Variants in CENPE observed in about 807,000 individuals in gnomAD.
CENPE encodes centromere protein E, also known as centromere-associated protein E.
CENPE carries 145 observed loss-of-function variants against 336.1 expected under a neutral mutation model. That is an observed-to-expected ratio of 0.43 (90% confidence interval 0.38 to 0.50). The LOEUF is 0.50. Among genes scored for constraint, CENPE ranks in the 20% least tolerant of loss-of-function variants. The pLI is 0.00. For missense variants in CENPE, 2,719 were observed against 3,023.3 expected (o/e 0.90, Z 2.36); for synonymous variants, 1,013 against 984.8 (o/e 1.03, Z -0.54).
intron 44 of CENPE, among the ~76,000 whole-genome samples, chr4:103,117,519 C>T (rs1384568565): frequency 6.6e-6 from 1 of 150,468 alleles, no homozygotes; most frequent in African/African-American, 2.5e-5. Flanking sequence ...GTAGTTTTGT[C>T]TTTCTAAAAA....
At chr4:103,183,762 C>T (rs369722347) in intron 9 of CENPE, among the ~76,000 whole-genome samples, 88 of 152,210 alleles carry the variant, frequency 5.8e-4, no homozygotes, top group African/African-American at 2.0e-3. Flanking sequence ...CAACCAGTTC[C>T]TATACCTCTA....
intron 8 of CENPE, among the ~76,000 whole-genome samples, chr4:103,193,752 C>T (rs745989555): frequency 7.2e-5 from 11 of 152,032 alleles, no homozygotes; most frequent in African/African-American, 1.9e-4. Context: ...TAAAGTACTA[C>T]GTTTACAATA....
intron 24 of CENPE, among the ~76,000 whole-genome samples, chr4:103,155,330 G>A (rs1190290081): frequency 6.6e-6 from 1 of 151,156 alleles, no homozygotes; most frequent in African/African-American, 2.4e-5. Flanking sequence ...TTTTTTTTTA[G>A]ACAGGGTCTC....
At chr4:103,125,030 C>A (rs184127286) in intron 42 of CENPE, among the ~76,000 whole-genome samples, 2 of 152,304 alleles carry the variant, frequency 1.3e-5, no homozygotes, top group East Asian at 1.9e-4. Flanking sequence ...ATGACCTTAT[C>A]CAAACATTGG....
At chr4:103,157,463 A>G (rs1217305778) in intron 24 of CENPE, among the ~76,000 whole-genome samples, 1 of 152,074 alleles carries the variant, frequency 6.6e-6, no homozygotes, top group Non-Finnish European at 1.5e-5. Flanking sequence ...CATTATGCAA[A>G]ATGAGACAGG....
Position 103,151,261 on chromosome 4 carries a change from G to C in CENPE, c.3354C>G (p.Thr1118=), listed in dbSNP as rs1031447084. The C allele has an allele frequency of 1.2e-6, 2 of 1,604,136 alleles. No individual in the cohort carries two copies. Among genetic ancestry groups the C allele is most frequent in the African/African-American group, 2.7e-5 (2 of 74,144 alleles). Residue 1118 remains threonine, a synonymous_variant, in exon 26 of 49, where the codon ACC becomes ACG. Coordinates refer to ENST00000265148, the MANE Select transcript of CENPE (RefSeq NM_001813.3). ...AIKKEGELSR[T]CDRLAEVEEK... is the part of the protein sequence containing the mutation. ...CTTCAACTTCTGCCAGTCTGTCACAGGTCCTAGAAAGCTCTCCTTCTTTCT... is the reference window on the plus strand; with the variant it reads ...CTTCAACTTCTGCCAGTCTGTCACACGTCCTAGAAAGCTCTCCTTCTTTCT...
chr4:103,175,143 C>A (rs1755748842), intron 15 of CENPE, among the ~76,000 whole-genome samples: 1 of 151,938 alleles, frequency 6.6e-6, no homozygotes, highest in African/African-American at 2.4e-5. Context: ...CATAAGTCCT[C>A]AAGCTCCTCA....
In CENPE at chr4:103,147,547, A is replaced by G. The variant is rs776536122; in HGVS notation, c.3943T>C (p.Ser1315Pro). ...MNELELLTEQ[S>P]TTKDSTTLAR... The stretch of plus-strand genomic sequence containing the variant: ...AGTGTTGTTGAGTCCTTGGTTGTGG[A>G]CTGTTCTGTTAATAACTCCAGTTCA... The change falls in exon 29 of 49, where the codon TCC (serine) becomes CCC (proline). Residue 1315 changes from serine (S) to proline (P), a missense_variant. By Grantham distance (74) the Ser-to-Pro change is moderately conservative. Coordinates refer to ENST00000265148, the MANE Select transcript of CENPE (RefSeq NM_001813.3). The G allele has an allele frequency of 1.2e-5, 20 of 1,613,834 alleles. No homozygotes were observed. In the South Asian group the frequency reaches 2.2e-4, roughly 18 times the overall value.
At chr4:103,125,336 CAT>C (rs1334064851) in intron 42 of CENPE, among the ~76,000 whole-genome samples, 1 of 152,124 alleles carries the variant, frequency 6.6e-6, no homozygotes, top group Non-Finnish European at 1.5e-5. Context: ...TTGAATATTA[CAT>C]GTTTTACCAA....
At chr4:103,153,368 A>G in intron 24 of CENPE, 118 bp from the exon 25 acceptor site, 1 of 651,690 alleles carries the variant, frequency 1.5e-6, no homozygotes, top group Non-Finnish European at 2.6e-6. Context: ...ATCTTAACAC[A>G]TTTAATCTTG....
intron 13 of CENPE, 142 bp downstream of exon 13, chr4:103,180,169 G>A (rs1314458342): frequency 3.4e-6 from 2 of 582,862 alleles, no homozygotes; most frequent in South Asian, 1.0e-4. Flanking sequence ...GAATCTCTTA[G>A]GTACTATGAA....
chr4:103,194,428 A>G lies in CENPE; in HGVS notation c.573T>C (p.Tyr191=). ...TTCTTTGATTCATTTTTGTTTCTCC[A>G]TAATGCCTGCTCTCTGTAAAAATGA... is the stretch of plus-strand genomic sequence containing the variant. The part of the protein sequence containing the change: ...WITKGEKSRH[Y]GETKMNQRSS... The change falls in exon 7 of 49, where the codon TAT becomes TAC. Residue 191 remains tyrosine (Y), a synonymous_variant. Coordinates refer to ENST00000265148, the MANE Select transcript of CENPE (RefSeq NM_001813.3). 1 of 1,609,716 alleles carries G rather than the reference A, an allele frequency of 6.2e-7. No individual in the cohort carries two copies. The highest frequency in any genetic ancestry group is 1.1e-5 in the South Asian group (1 of 90,790).
intron 42 of CENPE, among the ~76,000 whole-genome samples, chr4:103,126,119 G>T (rs573259498): frequency 2.6e-5 from 4 of 152,198 alleles, no homozygotes; most frequent in African/African-American, 9.6e-5. Flanking sequence ...TGGCAACTCT[G>T]AGAGTTAAAA....
At chr4:103,158,982 A>G in intron 22 of CENPE, 28 bp downstream of exon 22, 1 of 1,531,662 alleles carries the variant, frequency 6.5e-7, no homozygotes. Flanking sequence ...ACTAAGGAGC[A>G]TTTCTCAAAA....
chr4:103,142,555 T>C (rs1752652745), intron 34 of CENPE, among the ~76,000 whole-genome samples: 1 of 152,210 alleles, frequency 6.6e-6, no homozygotes, highest in African/African-American at 2.4e-5. Flanking sequence ...AGGCCATCAT[T>C]TTCCTTAGTA....
Position 103,158,390 on chromosome 4 carries a change from A to G in CENPE, c.2943T>C (p.Asn981=). The G allele has an allele frequency of 6.2e-7, 1 of 1,609,062 alleles. No homozygotes were observed. Residue 981 remains asparagine, a synonymous_variant, in exon 24 of 49, where the codon AAT becomes AAC. Transcript: ENST00000265148. ...CCTCAGAAATTTTCGATTTTAGTGTATTAATTGTTTCTTGATGTTGTTTCA... is the reference window on the plus strand; with the variant it reads ...CCTCAGAAATTTTCGATTTTAGTGTGTTAATTGTTTCTTGATGTTGTTTCA... ...ESLKQHQETI[N]TLKSKISEEV... is the part of the protein sequence containing the mutation.
intron 42 of CENPE, among the ~76,000 whole-genome samples, chr4:103,126,738 A>G (rs1176306825): frequency 6.6e-6 from 1 of 152,182 alleles, no homozygotes; most frequent in African/African-American, 2.4e-5. Context: ...AGAAATTTTG[A>G]GCAAAAAAAT....
intron 8 of CENPE, among the ~76,000 whole-genome samples, chr4:103,188,027 A>T (rs562199081): frequency 1.6e-3 from 246 of 152,160 alleles, no homozygotes; most frequent in African/African-American, 5.5e-3. Context: ...TTAAACCAAC[A>T]AAGATCAAAA....
Position 103,114,534 on chromosome 4 carries a change from G to A in CENPE, c.7461C>T (p.Ala2487=). Residue 2487 remains alanine, a synonymous_variant, in exon 46 of 49, where the codon GCC becomes GCT. Transcript: ENST00000265148. ...EFEKEISATK[A]TVEYQKEVIR... ...TAACTTCCTTTTGATATTCTACAGT[G>A]GCTTTTGTAGCACTGATTCTAACAA... The A allele has an allele frequency of 1.2e-6, 2 of 1,607,282 alleles. No individual in the cohort carries two copies. The highest frequency in any genetic ancestry group is 1.1e-5 in the South Asian group (1 of 90,896).
Sources: allele counts gnomAD v4.1 joint callset (sites outside exome capture counted in the v4.1 genomes callset), GRCh38; gene constraint gnomAD v4.1.1; transcripts MANE v1.5; gene names NCBI Gene and HGNC (gene_info 2026-07-23, HGNC 2026-07-21).